The following TMCO5A variants were observed in gnomAD, a reference collection of about 807,000 sequenced individuals.
TMCO5A encodes the protein transmembrane and coiled-coil domain-containing protein 5A.
In TMCO5A, 34 loss-of-function variants were observed where a neutral mutation model predicts 42.3. That is an observed-to-expected ratio of 0.80 (90% CI 0.61 to 1.07). The LOEUF is 1.07. Among genes scored for constraint, TMCO5A ranks in the 50% least tolerant of loss-of-function variants. TMCO5A has a pLI of 0.00. For synonymous variants in TMCO5A, 131 were observed against 115.6 expected (o/e 1.13, Z -0.86); for missense variants, 357 against 327.9 (o/e 1.09, Z -0.69).
At chr15:37,942,397 G>C in intron 9 of TMCO5A, 142 bp downstream of exon 9, 2 of 728,850 alleles carry the variant, frequency 2.7e-6, no homozygotes, top group East Asian at 5.0e-5. Flanking sequence ...TTAGTGATCT[G>C]GTTGACCCCA....
At chr15:37,982,303 C>T in the TMCO5A span, among the ~76,000 whole-genome samples, 1 of 151,848 alleles carries the variant, frequency 6.6e-6, no homozygotes, top group African/African-American at 2.4e-5. Flanking sequence ...TCTGTCCTTA[C>T]ACCTATGCGC....
the TMCO5A span, among the ~76,000 whole-genome samples, chr15:37,990,591 T>C: frequency 2.0e-5 from 3 of 152,104 alleles, no homozygotes; most frequent in African/African-American, 7.2e-5. Flanking sequence ...TCTCTGTCTT[T>C]TGATTGGAGA....
the TMCO5A span, among the ~76,000 whole-genome samples, chr15:38,002,761 G>A: frequency 6.6e-6 from 1 of 151,848 alleles, no homozygotes. Flanking sequence ...TTCTCTCTCT[G>A]TGTTATCTCA....
chr15:37,939,226 A>G (rs1363850761), intron 6 of TMCO5A, among the ~76,000 whole-genome samples: 1 of 151,718 alleles, frequency 6.6e-6, no homozygotes, highest in Non-Finnish European at 1.5e-5. Flanking sequence ...GAAAATTTGG[A>G]TACATAGAAA....
At chr15:38,022,368 T>C in the TMCO5A span, among the ~76,000 whole-genome samples, 1 of 152,158 alleles carries the variant, frequency 6.6e-6, no homozygotes, top group Non-Finnish European at 1.5e-5. Flanking sequence ...CCTAAATGTA[T>C]ATCACTAAGT....
intron 11 of TMCO5A, 102 bp from the exon 12 acceptor site, chr15:37,950,934 T>G: frequency 1.0e-6 from 1 of 987,820 alleles, no homozygotes; most frequent in Non-Finnish European, 1.5e-6. Flanking sequence ...ATAATCCATT[T>G]GAATATCAAT....
the TMCO5A span, among the ~76,000 whole-genome samples, chr15:38,007,944 G>A: frequency 0.021 from 2,703 of 127,240 alleles, 48 homozygotes; most frequent in South Asian, 0.033. Context: ...TGCCCAGGCT[G>A]GAGTGCAGTG....
chr15:37,960,073 A>G (rs536416725), intron 11 of TMCO5A, among the ~76,000 whole-genome samples: 5 of 152,004 alleles, frequency 3.3e-5, no homozygotes, highest in Non-Finnish European at 5.9e-5. Flanking sequence ...TAAGTTCTTT[A>G]GTGGTGATTT....
chr15:37,980,325 G>C, the TMCO5A span, among the ~76,000 whole-genome samples: 1 of 152,132 alleles, frequency 6.6e-6, no homozygotes. Context: ...GGTGCCCAGG[G>C]GTCTAAGATC....
the TMCO5A span, among the ~76,000 whole-genome samples, chr15:38,019,311 A>C: frequency 6.6e-6 from 1 of 152,224 alleles, no homozygotes; most frequent in Non-Finnish European, 1.5e-5. Context: ...TAAAATTCTT[A>C]GTAATTTCAA....
At chr15:37,969,833 C>G (rs1019635991), downstream of TMCO5A, among the ~76,000 whole-genome samples, 34 of 152,116 alleles carry the variant, frequency 2.2e-4, no homozygotes, top group African/African-American at 8.0e-4. Flanking sequence ...GCCTCAAACT[C>G]CATTCATGTT....
chr15:37,980,374 A>T, the TMCO5A span, among the ~76,000 whole-genome samples: 1 of 152,140 alleles, frequency 6.6e-6, no homozygotes, highest in Non-Finnish European at 1.5e-5. Flanking sequence ...GGCTCTGCCC[A>T]GGCTCCAAGC....
chr15:38,038,231 A>G, the TMCO5A span, among the ~76,000 whole-genome samples: 3 of 152,062 alleles, frequency 2.0e-5, no homozygotes, highest in African/African-American at 7.2e-5. Flanking sequence ...AAACTCTTCT[A>G]TGAAGTACAT....
the TMCO5A span, among the ~76,000 whole-genome samples, chr15:38,038,416 T>C: frequency 6.6e-6 from 1 of 151,864 alleles, no homozygotes; most frequent in Non-Finnish European, 1.5e-5. Context: ...CTTTTTTTTT[T>C]TTTTTTGAGA....
At chr15:38,016,819 T>C in the TMCO5A span, among the ~76,000 whole-genome samples, 1 of 152,212 alleles carries the variant, frequency 6.6e-6, no homozygotes, top group African/African-American at 2.4e-5. Flanking sequence ...TCTGGGTTTA[T>C]TCACACCCAT....
intron 11 of TMCO5A, among the ~76,000 whole-genome samples, chr15:37,957,759 C>A (rs1454490024): frequency 2.6e-5 from 4 of 151,874 alleles, no homozygotes; most frequent in Non-Finnish European, 5.9e-5. Flanking sequence ...TCATATGGAA[C>A]CAAAAAAGAG....
At chr15:37,992,634 G>A in the TMCO5A span, among the ~76,000 whole-genome samples, 3 of 151,966 alleles carry the variant, frequency 2.0e-5, no homozygotes, top group African/African-American at 7.2e-5. Flanking sequence ...TTAAAGATGT[G>A]GTATACATAC....
At chr15:37,962,000 T>C (rs1262045572) in intron 11 of TMCO5A, among the ~76,000 whole-genome samples, 1 of 152,084 alleles carries the variant, frequency 6.6e-6, no homozygotes, top group Non-Finnish European at 1.5e-5. Flanking sequence ...ACAGTTTGAC[T>C]TCCTCTTTAC....
chr15:37,947,844 TTGAC>T, intron 11 of TMCO5A, 148 bp downstream of exon 11: 1 of 540,462 alleles, frequency 1.9e-6, no homozygotes, highest in Non-Finnish European at 3.2e-6. Flanking sequence ...ACTAATGTCT[TTGAC>T]TGTATTTCTC....
Sources: gnomAD v4.1 joint callset for allele counts (sites outside exome capture counted in the v4.1 genomes callset) on GRCh38, gnomAD v4.1.1 for gene constraint, MANE v1.5 for transcripts, NCBI Gene and HGNC (gene_info 2026-07-23, HGNC 2026-07-21) for gene names.